Variants in CATSPERB observed in about 807,000 individuals in gnomAD.
The protein encoded by CATSPERB is catsper channel auxiliary subunit beta, also known as cation channel sperm-associated auxiliary subunit beta.
Under a neutral mutation model 128.3 loss-of-function variants are expected in CATSPERB, and 93 were observed. That is an observed-to-expected ratio of 0.72 (90% CI 0.61 to 0.86). CATSPERB has a LOEUF of 0.86. Ranked by LOEUF, CATSPERB falls within the 40% of genes least tolerant of loss-of-function variation. The pLI is 0.00. For missense variants in CATSPERB, 1,153 were observed against 1,329.5 expected (o/e 0.87, Z 2.06); for synonymous variants, 381 against 448.8 (o/e 0.85, Z 1.91).
Position 91,580,961 on chromosome 14 carries a change from AATCC to A in CATSPERB, c.3275_3278del (p.Trp1092LeufsTer16), listed in dbSNP as rs750302257. ...TTGAAAACTTCTCTTGGTTTCTTCT[AATCC>A]ATCTTTGGAATGTCCTCCACGGATG... is the stretch of plus-strand genomic sequence containing the variant. On this transcript the variant is annotated frameshift_variant, in exon 27 of 27. Coordinates refer to ENST00000256343, the MANE Select transcript of CATSPERB (RefSeq NM_024764.4). LOFTEE classifies it low-confidence loss of function (END_TRUNC). The A allele has an allele frequency of 1.2e-6, 2 of 1,614,206 alleles. No homozygotes were observed. Among genetic ancestry groups the A allele is most frequent in the Non-Finnish European group, 1.7e-6 (2 of 1,180,022 alleles).
At chr14:91,692,050 G>A (rs1377995713) in intron 9 of CATSPERB, among the ~76,000 whole-genome samples, 1 of 151,944 alleles carries the variant, frequency 6.6e-6, no homozygotes, top group African/African-American at 2.4e-5. Context: ...GGTGGTGCAT[G>A]TCTGTAATCC....
At chr14:91,682,728 C>A (rs559072546) in intron 11 of CATSPERB, among the ~76,000 whole-genome samples, 1 of 152,150 alleles carries the variant, frequency 6.6e-6, no homozygotes, top group Non-Finnish European at 1.5e-5. Flanking sequence ...GGTGGTTTTA[C>A]CCACTAGCCA....
intron 15 of CATSPERB, among the ~76,000 whole-genome samples, chr14:91,651,994 C>T (rs1429000500): frequency 6.6e-6 from 1 of 152,084 alleles, no homozygotes; most frequent in Non-Finnish European, 1.5e-5. Context: ...TTCCAGAAAA[C>T]AGGAGAATAT....
At chr14:91,604,201 C>T (rs1416623950) in intron 22 of CATSPERB, among the ~76,000 whole-genome samples, 1 of 151,926 alleles carries the variant, frequency 6.6e-6, no homozygotes, top group African/African-American at 2.4e-5. Context: ...CCAGGAAGAT[C>T]CAACAGGAAA....
intron 7 of CATSPERB, among the ~76,000 whole-genome samples, chr14:91,697,027 G>T (rs1895574747): frequency 6.6e-6 from 1 of 152,158 alleles, no homozygotes; most frequent in Non-Finnish European, 1.5e-5. Context: ...GATAAATTTT[G>T]CAGAGTGGGA....
At chr14:91,593,975 A>C (rs565578346) in intron 22 of CATSPERB, among the ~76,000 whole-genome samples, 26 of 152,340 alleles carry the variant, frequency 1.7e-4, no homozygotes, top group Admixed American at 1.6e-3. Context: ...TGATGGGCTT[A>C]TCAGGAGTTT....
intron 15 of CATSPERB, among the ~76,000 whole-genome samples, chr14:91,659,305 AGTT>A (rs1260591783): frequency 2.0e-5 from 3 of 152,218 alleles, no homozygotes; most frequent in Non-Finnish European, 4.4e-5. Flanking sequence ...AATATTTGTT[AGTT>A]AAGAAATAAA....
chr14:91,724,836 T>C (rs1896093109), intron 3 of CATSPERB, among the ~76,000 whole-genome samples: 1 of 152,162 alleles, frequency 6.6e-6, no homozygotes, highest in South Asian at 2.1e-4. Flanking sequence ...GGAGGCATCA[T>C]TTTAAAAAAG....
At chr14:91,616,205 T>C (rs1893932999) in intron 20 of CATSPERB, among the ~76,000 whole-genome samples, 2 of 152,172 alleles carry the variant, frequency 1.3e-5, no homozygotes, top group South Asian at 2.1e-4. Context: ...ATAATGACTC[T>C]ACTAATTTAC....
At chr14:91,729,618 A>T in intron 1 of CATSPERB, 139 bp from the exon 2 acceptor site, 1 of 494,638 alleles carries the variant, frequency 2.0e-6, no homozygotes. Flanking sequence ...AAAGCAGACA[A>T]CACAACAGTT....
intron 10 of CATSPERB, among the ~76,000 whole-genome samples, chr14:91,684,552 A>C (rs1295987215): frequency 2.0e-5 from 3 of 152,044 alleles, no homozygotes; most frequent in Admixed American, 2.0e-4. Flanking sequence ...ATCTGTGTGC[A>C]AAAGCCTTTG....
intron 24 of CATSPERB, 131 bp downstream of exon 24, chr14:91,589,403 T>A (rs1893357597): frequency 1.3e-6 from 1 of 785,570 alleles, no homozygotes; most frequent in Non-Finnish European, 1.9e-6. Context: ...ATATGCCAAC[T>A]GATCCAAATC....
intron 15 of CATSPERB, among the ~76,000 whole-genome samples, chr14:91,654,424 C>T (rs1163245177): frequency 1.3e-5 from 2 of 152,190 alleles, no homozygotes; most frequent in East Asian, 3.9e-4. Flanking sequence ...CAGAAGCTGA[C>T]TGAAGAGCCC....
chr14:91,584,399 G>A (rs147890424), intron 26 of CATSPERB, among the ~76,000 whole-genome samples: 43 of 152,244 alleles, frequency 2.8e-4, no homozygotes, highest in East Asian at 1.7e-3. Flanking sequence ...AGCAGGTTCC[G>A]ACAGTCCCAA....
chr14:91,608,115 C>T (rs1224816803), intron 22 of CATSPERB, among the ~76,000 whole-genome samples, 179 bp downstream of exon 22: 1 of 152,130 alleles, frequency 6.6e-6, no homozygotes, highest in Non-Finnish European at 1.5e-5. Flanking sequence ...GGCTCCAAAA[C>T]TGTATTCAGG....
In CATSPERB at chr14:91,589,529, C is replaced by T. The variant is rs1893359331; in HGVS notation, c.2956+5G>A. 2 of 1,608,946 alleles carry T rather than the reference C, an allele frequency of 1.2e-6. No homozygotes were observed. Among genetic ancestry groups the T allele is most frequent in the African/African-American group, 2.7e-5 (2 of 74,740 alleles). ...AAAATAATTACAGATGAAAGCAAAC[C>T]CTACTCAGTTTCCAGTTGTGCCTCA... On this transcript the variant is annotated splice_donor_5th_base_variant and intron_variant, in intron 24 of 26. Coordinates refer to ENST00000256343, the MANE Select transcript of CATSPERB (RefSeq NM_024764.4).
intron 5 of CATSPERB, chr14:91,709,243 T>C (rs1287876139): frequency 6.6e-6 from 1 of 152,102 alleles, no homozygotes; most frequent in Non-Finnish European, 1.5e-5. Flanking sequence ...GAGAACATCA[T>C]ATATGATTTC....
intron 10 of CATSPERB, among the ~76,000 whole-genome samples, chr14:91,686,327 T>G (rs1342565674): frequency 1.3e-5 from 2 of 152,194 alleles, no homozygotes; most frequent in Non-Finnish European, 2.9e-5. Context: ...TGAATAAGCA[T>G]GGAATATAGG....
At chr14:91,665,518 T>C (rs1894968339) in intron 14 of CATSPERB, among the ~76,000 whole-genome samples, 1 of 152,134 alleles carries the variant, frequency 6.6e-6, no homozygotes, top group Non-Finnish European at 1.5e-5. Flanking sequence ...AAATGCAAAT[T>C]GTGTTCCTCT....
Sources: gnomAD v4.1 joint callset for allele counts (sites outside exome capture counted in the v4.1 genomes callset) on GRCh38, gnomAD v4.1.1 for gene constraint, MANE v1.5 for transcripts, NCBI Gene and HGNC (gene_info 2026-07-23, HGNC 2026-07-21) for gene names.